FLI1: variants seen among roughly 807,000 people sequenced by gnomAD.
FLI1 encodes Friend leukemia integration 1 transcription factor.
Under a neutral mutation model 53.1 loss-of-function variants are expected in FLI1, and 13 were observed. The observed-to-expected ratio is 0.24, with a 90% CI of 0.16 to 0.39. The LOEUF (loss-of-function observed/expected upper bound fraction) is 0.39, where lower values mean the gene tolerates loss of function less well. FLI1 is among the 10% of genes least tolerant of loss of function. FLI1 has a pLI of 1.00. For missense variants in FLI1, 424 were observed against 600.5 expected, an observed-to-expected ratio of 0.71 and a Z score of 3.07; for synonymous variants, 244 against 236.7, an observed-to-expected ratio of 1.03 and a Z score of -0.28.
chr11:128,761,536 C>A (rs969002188), intron 2 of FLI1, among the ~76,000 whole-genome samples: 21 of 152,254 alleles, frequency 1.4e-4, no homozygotes, highest in African/African-American at 5.1e-4. Context: ...CTGACTCAGC[C>A]CCTTCAATGC....
chr11:128,783,803 C>A (rs1003414122), intron 5 of FLI1, among the ~76,000 whole-genome samples: 2 of 152,070 alleles, frequency 1.3e-5, no homozygotes, highest in African/African-American at 4.8e-5. Flanking sequence ...ACTCACATTG[C>A]GAGGGCTCAA....
At chr11:128,729,191 C>T (rs1000608017) in intron 1 of FLI1, among the ~76,000 whole-genome samples, 3 of 152,074 alleles carry the variant, frequency 2.0e-5, no homozygotes, top group Admixed American at 1.3e-4. Flanking sequence ...TTGTTGTGCT[C>T]CATGGTTCAA....
intron 2 of FLI1, among the ~76,000 whole-genome samples, chr11:128,767,518 T>C (rs490698): frequency 0.39 from 58,968 of 152,148 alleles, 12,946 homozygotes; most frequent in Non-Finnish European, 0.49. Flanking sequence ...TGGGGGCTTA[T>C]TGGGAAATTC....
chr11:128,795,579 A>T (rs573993537), intron 5 of FLI1, among the ~76,000 whole-genome samples: 4 of 48,342 alleles, frequency 8.3e-5, no homozygotes, highest in African/African-American at 3.8e-4. Flanking sequence ...TTTTTTTTTG[A>T]GACAGAGTCT....
chr11:128,715,793 A>T (rs918422752), intron 1 of FLI1, among the ~76,000 whole-genome samples: 2 of 152,204 alleles, frequency 1.3e-5, no homozygotes, highest in Non-Finnish European at 2.9e-5. Flanking sequence ...ATACCCCACG[A>T]GTCCTGAGCA....
intron 1 of FLI1, among the ~76,000 whole-genome samples, chr11:128,756,572 C>A (rs969882832): frequency 6.6e-6 from 1 of 152,214 alleles, no homozygotes; most frequent in Non-Finnish European, 1.5e-5. Flanking sequence ...TGTTTGAATG[C>A]TAATAATCAT....
intron 1 of FLI1, among the ~76,000 whole-genome samples, chr11:128,720,538 T>C (rs563810183): frequency 6.6e-6 from 1 of 152,278 alleles, no homozygotes; most frequent in South Asian, 2.1e-4. Flanking sequence ...CTCACCTCCT[T>C]GTGCCTCTTA....
intron 1 of FLI1, among the ~76,000 whole-genome samples, chr11:128,687,824 C>T (rs545259509): frequency 4.5e-4 from 69 of 152,286 alleles, no homozygotes; most frequent in Admixed American, 2.5e-3. Flanking sequence ...AAGGCCTAAT[C>T]CTAGAGGCTT....
chr11:128,807,677 T>C (rs1343992393), intron 7 of FLI1, among the ~76,000 whole-genome samples: 1 of 152,204 alleles, frequency 6.6e-6, no homozygotes, highest in African/African-American at 2.4e-5. Flanking sequence ...CAGAGGAACT[T>C]TGAAAGCCAT....
chr11:128,767,529 G>T (rs490732), intron 2 of FLI1, among the ~76,000 whole-genome samples: 1 of 152,100 alleles, frequency 6.6e-6, no homozygotes, highest in African/African-American at 2.4e-5. Context: ...TGGGAAATTC[G>T]AATACAACAG....
chr11:128,703,946 T>A (rs1232591392), intron 1 of FLI1, among the ~76,000 whole-genome samples: 1 of 149,752 alleles, frequency 6.7e-6, no homozygotes, highest in African/African-American at 2.5e-5. Flanking sequence ...CTGGTCCCGG[T>A]GACTTTAAGA....
intron 1 of FLI1, among the ~76,000 whole-genome samples, chr11:128,749,265 C>T (rs1454090513): frequency 2.0e-5 from 3 of 152,192 alleles, no homozygotes; most frequent in East Asian, 3.8e-4. Context: ...GGAGACGTTC[C>T]GGTTACTATG....
intron 1 of FLI1, among the ~76,000 whole-genome samples, chr11:128,723,761 A>C (rs1939352950): frequency 6.6e-6 from 1 of 152,118 alleles, no homozygotes. Flanking sequence ...TGATGAATTT[A>C]AGATCCTCTG....
At position 128,805,355 on chromosome 11, in the gene FLI1, T is replaced by C. The variant is rs1381225258; in HGVS notation, c.656-11T>C. On this transcript the variant is annotated splice_polypyrimidine_tract_variant and intron_variant, in intron 5 of 8. Transcript: ENST00000527786. Reference sequence around the variant, plus strand: ...GATGCTAATGTACCCCTATTTGTTATTGTTCATTAGACCCTTCTTATGACT... The same window carrying C: ...GATGCTAATGTACCCCTATTTGTTACTGTTCATTAGACCCTTCTTATGACT... 5 of 1,552,848 alleles carry C rather than the reference T, an allele frequency of 3.2e-6. No homozygotes were observed. Among genetic ancestry groups the C allele is most frequent in the Non-Finnish European group, 4.4e-6 (5 of 1,136,278 alleles).
At chr11:128,758,399 C>A (rs1389078999) in intron 2 of FLI1, 73 bp downstream of exon 2, 7 of 1,310,962 alleles carry the variant, frequency 5.3e-6, no homozygotes, top group African/African-American at 1.5e-5. Flanking sequence ...TGGCTTCTGG[C>A]ACTTAAGGTT....
intron 1 of FLI1, among the ~76,000 whole-genome samples, chr11:128,732,209 T>A (rs745362300): frequency 6.6e-6 from 1 of 152,198 alleles, no homozygotes; most frequent in Admixed American, 6.5e-5. Flanking sequence ...TCTTTCTCCA[T>A]CCATTCAGCC....
At chr11:128,726,431 G>A (rs913955595) in intron 1 of FLI1, among the ~76,000 whole-genome samples, 15 of 151,958 alleles carry the variant, frequency 9.9e-5, no homozygotes, top group African/African-American at 3.6e-4. Flanking sequence ...CTGGCCCCAA[G>A]GCTGGACAGA....
chr11:128,810,386 A>C lies in FLI1; in HGVS notation c.830-73A>C. On this transcript the variant is annotated intron_variant, in intron 8 of 8. Transcript: ENST00000527786. The surrounding 1 kb of genome is among the most constrained non-coding windows in gnomAD (Gnocchi z 6.6). ...TTTAAAAGGATGAGAAGCTCCCTGC[A>C]TTTAGGGAACTGGGTTCTGCCTTCT... 1 of 1,433,634 alleles carries C rather than the reference A, an allele frequency of 7.0e-7. No homozygotes were observed. The allele number at this position is 1,433,634 out of a possible 1,614,324, so 88.8% of individuals were successfully genotyped here.
intron 1 of FLI1, among the ~76,000 whole-genome samples, chr11:128,698,711 C>CAT (rs1938191088): frequency 6.2e-5 from 9 of 144,536 alleles, no homozygotes; most frequent in East Asian, 6.1e-4. Flanking sequence ...TATGTGTTTG[C>CAT]GTGTGTGTGT....
Sources: gnomAD v4.1 joint callset for allele counts (sites outside exome capture counted in the v4.1 genomes callset) on GRCh38, gnomAD v4.1.1 for gene constraint, Gnocchi (gnomAD v3.1) non-coding constraint, MANE v1.5 for transcripts, NCBI Gene and HGNC (gene_info 2026-07-23, HGNC 2026-07-21) for gene names.